PRDM5: variants seen among roughly 807,000 people sequenced by gnomAD.
PRDM5 encodes PR domain zinc finger protein 5.
In PRDM5, 56 loss-of-function variants were observed where a neutral mutation model predicts 81.2. The ratio of observed to expected loss-of-function variants is 0.69; its 90% confidence interval spans 0.56 to 0.86. The LOEUF (loss-of-function observed/expected upper bound fraction) is 0.86, where lower values mean the gene tolerates loss of function less well. Among genes scored for constraint, PRDM5 ranks in the 40% least tolerant of loss-of-function variants. The pLI, the probability that PRDM5 is intolerant of heterozygous loss-of-function variation, is 0.00. For synonymous variants in PRDM5, 267 were observed against 256.4 expected (o/e 1.04, Z -0.39); for missense variants, 697 against 770.1 (o/e 0.91, Z 1.12).
At chr4:120,808,653 G>A (rs1223171460) in intron 8 of PRDM5, among the ~76,000 whole-genome samples, 1 of 152,172 alleles carries the variant, frequency 6.6e-6, no homozygotes. Context: ...AGGCACCATG[G>A]AGCAGGGGGA....
At chr4:120,705,049 A>G (rs970852807) in intron 15 of PRDM5, among the ~76,000 whole-genome samples, 3 of 152,198 alleles carry the variant, frequency 2.0e-5, no homozygotes. Flanking sequence ...GGAATTCACT[A>G]AAGGATTCTA....
chr4:120,721,037 C>T (rs549571437), intron 14 of PRDM5, among the ~76,000 whole-genome samples: 1 of 152,130 alleles, frequency 6.6e-6, no homozygotes, highest in African/African-American at 2.4e-5. Context: ...CTCTGAGGCC[C>T]ACAGAATAGT....
At chr4:120,800,847 A>T (rs545009473) in intron 8 of PRDM5, among the ~76,000 whole-genome samples, 18 of 152,302 alleles carry the variant, frequency 1.2e-4, no homozygotes, top group Admixed American at 4.6e-4. Flanking sequence ...AAATGTATTT[A>T]AAAAATACAA....
At chr4:120,871,613 A>G (rs891728880) in intron 2 of PRDM5, among the ~76,000 whole-genome samples, 1 of 152,230 alleles carries the variant, frequency 6.6e-6, no homozygotes, top group East Asian at 1.9e-4. Context: ...GGTCAATATT[A>G]AGTCTAGTAT....
chr4:120,830,037 A>G (rs1292771970), intron 3 of PRDM5, among the ~76,000 whole-genome samples: 1 of 152,124 alleles, frequency 6.6e-6, no homozygotes, highest in Non-Finnish European at 1.5e-5. Context: ...CGATATGTCT[A>G]TAGCACTCAA....
At chr4:120,734,354 G>A (rs1374679557) in intron 14 of PRDM5, among the ~76,000 whole-genome samples, 1 of 151,188 alleles carries the variant, frequency 6.6e-6, no homozygotes, top group Non-Finnish European at 1.5e-5. Context: ...CTTGAATTGT[G>A]TTTTGTAAAA....
intron 1 of PRDM5, among the ~76,000 whole-genome samples, chr4:120,917,687 A>T (rs1724358506): frequency 6.6e-6 from 1 of 152,072 alleles, no homozygotes; most frequent in Non-Finnish European, 1.5e-5. Flanking sequence ...ATTAAAAAAA[A>T]AAAAAAAACA....
chr4:120,777,187 C>G lies in PRDM5; in HGVS notation c.1537+1G>C, dbSNP rs774907753. 6.2e-7 allele frequency: 1 copy of G among 1,613,244 alleles called. No homozygotes were observed. The highest frequency in any genetic ancestry group is 2.2e-5 in the East Asian group (1 of 44,832). ...CACTAGTCTAATTACAATCTCCATA[C>G]CTGTGTGGCTCCGGATATGAACTCT... On this transcript the variant is annotated splice_donor_variant, in intron 13 of 15. Coordinates refer to ENST00000264808, the MANE Select transcript of PRDM5 (RefSeq NM_018699.4). LOFTEE classifies it high-confidence loss of function.
chr4:120,882,112 G>A (rs1762906763), intron 2 of PRDM5, among the ~76,000 whole-genome samples: 2 of 152,164 alleles, frequency 1.3e-5, no homozygotes, highest in East Asian at 3.9e-4. Flanking sequence ...GCCAGGCCCT[G>A]TGACAAGCTG....
At position 120,738,656 on chromosome 4, in the gene PRDM5, G is replaced by A. The variant is rs114015031; in HGVS notation, c.1623+15897C>T. Among the ~76,000 whole-genome samples the A allele has an allele frequency of 6.8e-3, 1,033 of 152,182 alleles. 14 individuals are homozygous for A. Among genetic ancestry groups the A allele is most frequent in the African/African-American group, 0.024 (978 of 41,526 alleles). On this transcript the variant is annotated intron_variant, in intron 14 of 15. Coordinates refer to ENST00000264808, the MANE Select transcript of PRDM5 (RefSeq NM_018699.4). ...CAAAAACAAAATACAACTCCCATTG[G>A]TAAATGGTGATATTGAGATACAACA...
chr4:120,826,403 T>C (rs969713589), intron 3 of PRDM5, among the ~76,000 whole-genome samples: 5 of 152,126 alleles, frequency 3.3e-5, no homozygotes, highest in African/African-American at 1.2e-4. Flanking sequence ...AATTAGGAGT[T>C]CTCTATATCA....
intron 3 of PRDM5, among the ~76,000 whole-genome samples, chr4:120,833,087 A>G (rs1315984211): frequency 1.3e-5 from 2 of 152,176 alleles, no homozygotes; most frequent in East Asian, 1.9e-4. Flanking sequence ...AACAGGCTGA[A>G]TAACAGTACA....
chr4:120,799,524 G>C (rs886970082), intron 9 of PRDM5, 137 bp downstream of exon 9: 5 of 1,348,468 alleles, frequency 3.7e-6, no homozygotes, highest in Non-Finnish European at 4.0e-6. Flanking sequence ...AACTTGTTCA[G>C]AATCACATGA....
chr4:120,904,981 G>GT (rs577809793), intron 2 of PRDM5, among the ~76,000 whole-genome samples: 411 of 152,090 alleles, frequency 2.7e-3, no homozygotes, highest in Non-Finnish European at 4.6e-3. Flanking sequence ...AAGTTATCAG[G>GT]TTTTTTTGGT....
At chr4:120,720,823 G>T (rs1233990389) in intron 14 of PRDM5, among the ~76,000 whole-genome samples, 2 of 152,134 alleles carry the variant, frequency 1.3e-5, no homozygotes, top group Non-Finnish European at 2.9e-5. Flanking sequence ...TTTAAAGCAG[G>T]TTTCTATATA....
chr4:120,755,445 C>T (rs1353039118), intron 13 of PRDM5, among the ~76,000 whole-genome samples: 2 of 152,144 alleles, frequency 1.3e-5, no homozygotes, highest in East Asian at 3.9e-4. Flanking sequence ...GATGCTAGAC[C>T]CTGGCTGCAA....
intron 2 of PRDM5, among the ~76,000 whole-genome samples, chr4:120,860,009 C>G (rs959707370): frequency 6.6e-6 from 1 of 152,190 alleles, no homozygotes; most frequent in Non-Finnish European, 1.5e-5. Flanking sequence ...ATTGAAGCAG[C>G]TTAAAAATCA....
rs1740614441 is a variant in PRDM5, at chr4:120,733,756, C to A, written c.1623+20797G>T. 1.3e-5 allele frequency among the ~76,000 whole-genome samples: 2 copies of A among 151,302 alleles called. 1 individual carries two copies. Among genetic ancestry groups the A allele is most frequent in the South Asian group, 4.2e-4 (2 of 4,806 alleles). On this transcript the variant is annotated intron_variant, in intron 14 of 15. Transcript: ENST00000264808. Reference sequence around the variant, plus strand: ...TCTATTTAGAAAGTCTCCATTTTTACAAAAAAGATATATAAATACCAATGA... The same window carrying A: ...TCTATTTAGAAAGTCTCCATTTTTAAAAAAAAGATATATAAATACCAATGA...
intron 14 of PRDM5, among the ~76,000 whole-genome samples, chr4:120,751,110 C>T (rs1390694506): frequency 1.3e-5 from 2 of 152,078 alleles, no homozygotes; most frequent in Non-Finnish European, 2.9e-5. Flanking sequence ...GTGGCACAGT[C>T]ATAGCTCACT....
Sources: allele counts gnomAD v4.1 joint callset (sites outside exome capture counted in the v4.1 genomes callset), GRCh38; gene constraint gnomAD v4.1.1; transcripts MANE v1.5; gene names NCBI Gene and HGNC (gene_info 2026-07-23, HGNC 2026-07-21).